Variants in RCBTB1 observed in about 807,000 individuals in gnomAD.
RCBTB1 encodes the protein RCC1 and BTB domain containing protein 1.
Under a neutral mutation model 62.4 loss-of-function variants are expected in RCBTB1, and 46 were observed. The observed-to-expected ratio is 0.74, with a 90% CI of 0.58 to 0.94. The LOEUF (loss-of-function observed/expected upper bound fraction) is 0.94. Ranked by LOEUF, RCBTB1 falls within the 40% of genes least tolerant of loss-of-function variation. RCBTB1 has a pLI of 0.00. For missense variants in RCBTB1, 565 were observed against 654.9 expected (o/e 0.86, Z 1.50); for synonymous variants, 222 against 245.8 (o/e 0.90, Z 0.91).
chr13:49,569,384 G>A (rs1014954080), intron 2 of RCBTB1, among the ~76,000 whole-genome samples: 14 of 151,758 alleles, frequency 9.2e-5, no homozygotes, highest in Non-Finnish European at 7.4e-5. Flanking sequence ...GACCAGCCTG[G>A]GCAACATGGC....
intron 5 of RCBTB1, among the ~76,000 whole-genome samples, chr13:49,557,943 A>G (rs1962076930): frequency 6.6e-6 from 1 of 152,224 alleles, no homozygotes; most frequent in Non-Finnish European, 1.5e-5. Context: ...GGATTTTCAC[A>G]ATAGCCAAAA....
intron 1 of RCBTB1, among the ~76,000 whole-genome samples, chr13:49,584,017 A>C (rs1964254701): frequency 6.6e-6 from 1 of 152,168 alleles, no homozygotes; most frequent in Non-Finnish European, 1.5e-5. Context: ...AAAGGTCCTC[A>C]CTTTCCTTCA....
At chr13:49,564,544 C>T (rs1380980411) in intron 4 of RCBTB1, among the ~76,000 whole-genome samples, 1 of 139,832 alleles carries the variant, frequency 7.2e-6, no homozygotes, top group Non-Finnish European at 1.5e-5. Flanking sequence ...GAGATCATGC[C>T]ACTGCACTCC....
chr13:49,548,235 T>G (rs1960992597), intron 9 of RCBTB1, among the ~76,000 whole-genome samples: 1 of 151,306 alleles, frequency 6.6e-6, no homozygotes, highest in African/African-American at 2.4e-5. Context: ...ACTAAAAATA[T>G]AAAAAAATTA....
intron 1 of RCBTB1, among the ~76,000 whole-genome samples, chr13:49,580,931 T>C (rs1198413232): frequency 6.6e-6 from 1 of 152,014 alleles, no homozygotes; most frequent in Non-Finnish European, 1.5e-5. Context: ...CTCACAACAG[T>C]GTGGCTGGTC....
chr13:49,544,715 C>A (rs1404919073), intron 10 of RCBTB1, 22 bp downstream of exon 10: 5 of 1,602,912 alleles, frequency 3.1e-6, no homozygotes, highest in South Asian at 1.1e-5. Flanking sequence ...TTATTGATGT[C>A]TCTGAGCTCA....
In RCBTB1 at chr13:49,566,702, G is replaced by A. The variant is rs771384444; in HGVS notation, c.193C>T (p.Pro65Ser). The A allele has an allele frequency of 6.2e-7, 1 of 1,613,886 alleles. No individual in the cohort carries two copies. Among genetic ancestry groups the A allele is most frequent in the Non-Finnish European group, 8.5e-7 (1 of 1,179,836 alleles). Reference protein sequence around the residue: ...GTGDNQSTLVPKKLEGLCGKK... With the variant: ...GTGDNQSTLVSKKLEGLCGKK... Reference sequence around the variant, plus strand: ...CCACATAAGCCTTCTAGCTTTTTGGGTACAAGTGTACTCTGGTTATCTCCA... The same window carrying A: ...CCACATAAGCCTTCTAGCTTTTTGGATACAAGTGTACTCTGGTTATCTCCA... The change falls in exon 4 of 13, where the codon CCC becomes TCC. Residue 65 changes from proline (P) to serine (S), a missense_variant. Coordinates refer to ENST00000378302, the MANE Select transcript of RCBTB1 (RefSeq NM_018191.4).
In RCBTB1 at chr13:49,582,860, G is replaced by A. The variant is rs551689152; in HGVS notation, c.-121-2276C>T. Among the ~76,000 whole-genome samples the A allele has an allele frequency of 1.4e-4, 22 of 152,238 alleles. No homozygotes were observed. In the South Asian group the frequency reaches 4.6e-3, roughly 32 times the overall value. ...GAAAGAGTTAGGCTTTTTGCTAAGA[G>A]TAAGAGGGGAGGTAGCAATAAACAG... On this transcript the variant is annotated intron_variant, in intron 1 of 12. Transcript: ENST00000378302.
At chr13:49,547,369 C>A (rs559020374) in intron 9 of RCBTB1, among the ~76,000 whole-genome samples, 2 of 152,282 alleles carry the variant, frequency 1.3e-5, no homozygotes, top group African/African-American at 4.8e-5. Context: ...AGAAAATTAA[C>A]CTTCAATATC....
chr13:49,555,698 G>A (rs774548197), intron 5 of RCBTB1, 25 bp from the exon 6 acceptor site: 27 of 1,516,046 alleles, frequency 1.8e-5, no homozygotes, highest in Non-Finnish European at 2.0e-5. Flanking sequence ...AAAAGGAAAA[G>A]GAAAGAATAG....
intron 10 of RCBTB1, among the ~76,000 whole-genome samples, chr13:49,543,721 G>A (rs1474963798): frequency 6.6e-6 from 1 of 151,936 alleles, no homozygotes; most frequent in East Asian, 1.9e-4. Flanking sequence ...TCATTTTTGA[G>A]ATAAGATCTC....
chr13:49,549,967 A>T, intron 8 of RCBTB1: 1 of 883,430 alleles, frequency 1.1e-6, no homozygotes, highest in Non-Finnish European at 1.4e-6. Flanking sequence ...GCCCTAACAA[A>T]TGTGATGGCT....
At chr13:49,575,591 T>A (rs1278912743) in intron 2 of RCBTB1, among the ~76,000 whole-genome samples, 1 of 152,030 alleles carries the variant, frequency 6.6e-6, no homozygotes, top group African/African-American at 2.4e-5. Flanking sequence ...AAGAACAAAA[T>A]CATGGATGCA....
chr13:49,549,414 T>C (rs148558091), intron 9 of RCBTB1, 44 bp downstream of exon 9: 440 of 1,554,836 alleles, frequency 2.8e-4, no homozygotes, highest in Non-Finnish European at 3.6e-4. Flanking sequence ...GGTCAGTTGG[T>C]AGTACCATTC....
At chr13:49,572,164 A>T (rs1020593492) in intron 2 of RCBTB1, among the ~76,000 whole-genome samples, 4 of 151,900 alleles carry the variant, frequency 2.6e-5, no homozygotes, top group African/African-American at 7.3e-5. Flanking sequence ...CTGCCTCTAC[A>T]AAAAATACAG....
chr13:49,574,293 A>G (rs1165326329), intron 2 of RCBTB1, among the ~76,000 whole-genome samples: 1 of 149,054 alleles, frequency 6.7e-6, no homozygotes, highest in Admixed American at 6.7e-5. Flanking sequence ...TAATTTTTGT[A>G]TTTTTAGTAG....
chr13:49,571,972 T>C (rs1963426465), intron 2 of RCBTB1, among the ~76,000 whole-genome samples: 1 of 152,140 alleles, frequency 6.6e-6, no homozygotes, highest in African/African-American at 2.4e-5. Flanking sequence ...AATTAATGAG[T>C]ATTTCATCTG....
At chr13:49,540,051 A>G (rs1283243821) in intron 12 of RCBTB1, among the ~76,000 whole-genome samples, 1 of 152,200 alleles carries the variant, frequency 6.6e-6, no homozygotes, top group Non-Finnish European at 1.5e-5. Flanking sequence ...ACTTAGCTAG[A>G]TATTTTGAAA....
chr13:49,544,591 T>G, intron 10 of RCBTB1, 146 bp downstream of exon 10: 1 of 570,766 alleles, frequency 1.8e-6, no homozygotes, highest in South Asian at 2.9e-5. Flanking sequence ...CTCTTTGACA[T>G]GAAATGGACT....
Sources: gnomAD v4.1 joint callset for allele counts (sites outside exome capture counted in the v4.1 genomes callset) on GRCh38, gnomAD v4.1.1 for gene constraint, MANE v1.5 for transcripts, NCBI Gene and HGNC (gene_info 2026-07-23, HGNC 2026-07-21) for gene names.